The following MRPS25 variants were observed in gnomAD, a reference collection of about 807,000 sequenced individuals.
The protein encoded by MRPS25 is mitochondrial ribosomal protein S25.
MRPS25 carries 15 observed loss-of-function variants against 17.3 expected under a neutral mutation model. The observed-to-expected ratio is 0.87, with a 90% CI of 0.58 to 1.34. The LOEUF (loss-of-function observed/expected upper bound fraction) is 1.34. Ranked by LOEUF, MRPS25 falls within the 40% of genes most tolerant of loss-of-function variation. The pLI, the probability that MRPS25 is intolerant of heterozygous loss-of-function variation, is 0.00. For missense variants in MRPS25, 225 were observed against 218.6 expected (o/e 1.03, Z -0.19); for synonymous variants, 94 against 83.3 (o/e 1.13, Z -0.70).
At chr3:15,060,770 A>G (rs1321565306) in intron 1 of MRPS25, among the ~76,000 whole-genome samples, 1 of 152,090 alleles carries the variant, frequency 6.6e-6, no homozygotes, top group Admixed American at 6.6e-5. Context: ...AGTCCCAGCT[A>G]CTCAGGAGGC....
chr3:15,060,934 G>C (rs11717398), intron 1 of MRPS25, among the ~76,000 whole-genome samples: 36,928 of 151,976 alleles, frequency 0.24, 4,825 homozygotes, highest in Middle Eastern at 0.33. Context: ...TCTAGGGGAG[G>C]AATAGAGGCC....
downstream of MRPS25, chr3:15,046,400 CTTA>C (rs993804427): frequency 1.2e-4 from 19 of 152,248 alleles, 1 homozygote; most frequent in Admixed American, 1.2e-3. Context: ...TACACACATA[CTTA>C]TTAGCTGTCT....
intron 2 of MRPS25, among the ~76,000 whole-genome samples, chr3:15,057,555 T>C (rs1384213471): frequency 1.3e-5 from 2 of 152,176 alleles, no homozygotes; most frequent in South Asian, 2.1e-4. Context: ...TCTAGTTACA[T>C]GACATTCTAA....
In MRPS25 at chr3:15,051,192, A is replaced by AT. The variant is rs966362760; in HGVS notation, c.*1248dup. 5.1e-6 allele frequency: 5 copies of AT among 983,220 alleles called. No homozygotes were observed. Among genetic ancestry groups the AT allele is most frequent in the African/African-American group, 3.5e-5 (2 of 57,060 alleles). 60.9% of individuals were successfully genotyped at this position (983,220 alleles called of 1,614,324 possible). A position where few individuals can be genotyped will look rare whatever the true frequency, so the allele number is the denominator to read the frequency against. On this transcript the variant is annotated 3_prime_UTR_variant, in exon 4 of 4. Coordinates refer to ENST00000253686, the MANE Select transcript of MRPS25 (RefSeq NM_022497.5). ...CTTTATAATTAAACTTATTTAAAAA[A>AT]TTTTTTTTCTTGAGACAGTCTTGCT...
intron 1 of MRPS25, among the ~76,000 whole-genome samples, chr3:15,062,897 C>T (rs1294376080): frequency 6.6e-6 from 1 of 152,048 alleles, no homozygotes; most frequent in Admixed American, 6.6e-5. Flanking sequence ...CATCACCACT[C>T]CCTAATCTCA....
In MRPS25 at chr3:15,050,589, T is replaced by C. The variant is rs1442933112; in HGVS notation, c.*1852A>G. The C allele has an allele frequency of 2.0e-6, 2 of 985,310 alleles. No homozygotes were observed. The highest frequency in any genetic ancestry group is 3.5e-5 in the African/African-American group (2 of 57,216). 61.0% of individuals were successfully genotyped at this position (985,310 alleles called of 1,614,324 possible). A position where few individuals can be genotyped will look rare whatever the true frequency, so the allele number is the denominator to read the frequency against. On this transcript the variant is annotated 3_prime_UTR_variant, in exon 4 of 4. Transcript: ENST00000253686. ...GTATCAAGGTCAAGACTTCAGTCAGTTGGGTGGGGAACTGAAACCAGCAGA... is the reference window on the plus strand; with the variant it reads ...GTATCAAGGTCAAGACTTCAGTCAGCTGGGTGGGGAACTGAAACCAGCAGA...
downstream of MRPS25, chr3:15,046,282 T>A (rs2042447719): frequency 6.6e-6 from 1 of 152,238 alleles, no homozygotes; most frequent in Non-Finnish European, 1.5e-5. Context: ...GATTTTTAGC[T>A]TGTCATTGTC....
chr3:15,064,482 G>C (rs2042827304), intron 1 of MRPS25, among the ~76,000 whole-genome samples: 1 of 152,078 alleles, frequency 6.6e-6, no homozygotes, highest in Admixed American at 6.5e-5. Flanking sequence ...CACACTGCCC[G>C]GCTCACCGCT....
At chr3:15,063,067 G>C (rs1408173358) in intron 1 of MRPS25, among the ~76,000 whole-genome samples, 1 of 150,616 alleles carries the variant, frequency 6.6e-6, no homozygotes, top group Non-Finnish European at 1.5e-5. Flanking sequence ...AAAAAAGAAA[G>C]TTAATAATGG....
At position 15,050,422 on chromosome 3, in the gene MRPS25, C is replaced by A; in HGVS notation, c.*2019G>T. On this transcript the variant is annotated 3_prime_UTR_variant, in exon 4 of 4. Transcript: ENST00000253686. ...GGACATTCCTGCTGGTTAGCAGCCT[C>A]TTTGGGCCCTAGAGGGAAGGAATAC... is the stretch of plus-strand genomic sequence containing the variant. 1.0e-6 allele frequency: 1 copy of A among 1,001,886 alleles called. No homozygotes were observed. Among genetic ancestry groups the A allele is most frequent in the Non-Finnish European group, 1.2e-6 (1 of 841,926 alleles). The allele number at this position is 1,001,886 out of a possible 1,614,324, so 62.1% of individuals were successfully genotyped here. A position where few individuals can be genotyped will look rare whatever the true frequency, so the allele number is the denominator to read the frequency against.
At position 15,048,952 on chromosome 3, in the gene MRPS25, T is replaced by C. The variant is rs1313416491; in HGVS notation, c.*3489A>G. The C allele has an allele frequency of 1.3e-5, 2 of 152,672 alleles. No homozygotes were observed. Among genetic ancestry groups the C allele is most frequent in the African/African-American group, 4.8e-5 (2 of 41,454 alleles). The allele number at this position is 152,672 out of a possible 1,614,324, so 9.5% of individuals were successfully genotyped here. On this transcript the variant is annotated 3_prime_UTR_variant, in exon 4 of 4. Transcript: ENST00000253686. ...CCCTTCACAATATAGAAAATATTGG[T>C]TTTGCCATTACATTTTAATGCCAGG...
Position 15,051,203 on chromosome 3 carries a change from T to G in MRPS25, c.*1238A>C. 1.0e-6 allele frequency: 1 copy of G among 980,924 alleles called. No homozygotes were observed. Among genetic ancestry groups the G allele is most frequent in the Non-Finnish European group, 1.2e-6 (1 of 825,858 alleles). 60.8% of individuals were successfully genotyped at this position (980,924 alleles called of 1,614,324 possible). On this transcript the variant is annotated 3_prime_UTR_variant, in exon 4 of 4. Coordinates refer to ENST00000253686, the MANE Select transcript of MRPS25 (RefSeq NM_022497.5). ...AACTTATTTAAAAAATTTTTTTTCT[T>G]GAGACAGTCTTGCTCTGTGGCCCAG...
At chr3:15,046,116 T>G (rs2042440366), downstream of MRPS25, 2 of 152,238 alleles carry the variant, frequency 1.3e-5, no homozygotes, top group South Asian at 4.1e-4. Context: ...CCTACCATAC[T>G]CTCCTAATTT....
chr3:15,042,867 C>G (rs371544529), downstream of MRPS25: 91 of 1,614,182 alleles, frequency 5.6e-5, 3 homozygotes, highest in Middle Eastern at 5.6e-3. Context: ...TGCCGGCACT[C>G]AGGCTGATGA....
intron 2 of MRPS25, among the ~76,000 whole-genome samples, chr3:15,057,327 T>C (rs919286915): frequency 6.6e-6 from 1 of 152,218 alleles, no homozygotes; most frequent in African/African-American, 2.4e-5. Context: ...CTGGTTTCTT[T>C]CAAGGTCTTC....
At chr3:15,043,016 C>G, downstream of MRPS25, 1 of 1,611,666 alleles carries the variant, frequency 6.2e-7, no homozygotes, top group Non-Finnish European at 8.5e-7. Context: ...TAGCGCAAAC[C>G]ACACACCTGC....
At chr3:15,064,017 G>C (rs955083471) in intron 1 of MRPS25, among the ~76,000 whole-genome samples, 1 of 152,230 alleles carries the variant, frequency 6.6e-6, no homozygotes, top group African/African-American at 2.4e-5. Context: ...CACCTGCGCA[G>C]AGCAAATGGC....
At chr3:15,056,881 G>A (rs1205042426) in intron 2 of MRPS25, among the ~76,000 whole-genome samples, 1 of 152,246 alleles carries the variant, frequency 6.6e-6, no homozygotes, top group African/African-American at 2.4e-5. Context: ...CCTGTGACTG[G>A]AGTGCAACAC....
chr3:15,063,590 C>T (rs1474413857), intron 1 of MRPS25, among the ~76,000 whole-genome samples: 1 of 152,142 alleles, frequency 6.6e-6, no homozygotes, highest in Non-Finnish European at 1.5e-5. Context: ...AACAAAGAAA[C>T]AGTGAATGGC....
Sources: allele counts gnomAD v4.1 joint callset (sites outside exome capture counted in the v4.1 genomes callset), GRCh38; gene constraint gnomAD v4.1.1; transcripts MANE v1.5; gene names NCBI Gene and HGNC (gene_info 2026-07-23, HGNC 2026-07-21).